TRPC5: variants seen among roughly 807,000 people sequenced by gnomAD.
TRPC5 encodes the protein short transient receptor potential channel 5.
Under a neutral mutation model 56.5 loss-of-function variants are expected in TRPC5, and 9 were observed. The ratio of observed to expected loss-of-function variants is 0.16; its 90% CI spans 0.10 to 0.28. TRPC5 has a LOEUF of 0.28. TRPC5 is among the 10% of genes least tolerant of loss of function. The pLI, the probability that TRPC5 is intolerant of heterozygous loss-of-function variation, is 1.00. For synonymous variants in TRPC5, 282 were observed against 278.5 expected (o/e 1.01, Z -0.13); for missense variants, 469 against 748.9 (o/e 0.63, Z 4.36).
chrX:111,940,202 A>T (rs1049695203), intron 2 of TRPC5, among the ~76,000 whole-genome samples: 1 of 109,330 alleles, frequency 9.1e-6, no homozygotes, highest in Non-Finnish European at 1.9e-5. Context: ...TTTACTTTCC[A>T]TGTGTTTGTT....
intron 7 of TRPC5, among the ~76,000 whole-genome samples, chrX:111,791,057 C>G (rs1398535789): frequency 1.2e-5 from 1 of 82,654 alleles, no homozygotes; most frequent in African/African-American, 3.8e-5. Context: ...AAAAAAAGAC[C>G]TGACCCTCTC....
At chrX:111,867,766 C>T (rs1189881322) in intron 3 of TRPC5, among the ~76,000 whole-genome samples, 2 of 111,786 alleles carry the variant, frequency 1.8e-5, no homozygotes, top group African/African-American at 3.2e-5. Context: ...TCTCTTCGGC[C>T]GCTAAAACAT....
intron 3 of TRPC5, among the ~76,000 whole-genome samples, chrX:111,869,410 A>G (rs974368854): frequency 5.4e-5 from 6 of 111,717 alleles, no homozygotes; most frequent in African/African-American, 2.0e-4. Context: ...ATTAGCTAGC[A>G]GACTTAGTTC....
At chrX:111,839,053 G>T (rs1231474223) in intron 6 of TRPC5, among the ~76,000 whole-genome samples, 3 of 111,609 alleles carry the variant, frequency 2.7e-5, no homozygotes, top group Non-Finnish European at 3.8e-5. Context: ...CCCAACACAG[G>T]TGACCCTTTG....
chrX:112,004,990 A>G (rs191002191), intron 1 of TRPC5, among the ~76,000 whole-genome samples: 1 of 111,865 alleles, frequency 8.9e-6, no homozygotes, highest in East Asian at 2.8e-4. Context: ...CTGGCCACAC[A>G]TTAGAATCAC....
intron 3 of TRPC5, among the ~76,000 whole-genome samples, chrX:111,860,159 C>T (rs376914359): frequency 1.5e-3 from 169 of 112,790 alleles, no homozygotes; most frequent in Middle Eastern, 0.014. Flanking sequence ...CCGCCCACCT[C>T]GGCCTCCCAA....
At chrX:112,041,078 A>G (rs1929880047) in intron 1 of TRPC5, among the ~76,000 whole-genome samples, 1 of 111,902 alleles carries the variant, frequency 8.9e-6, no homozygotes, top group African/African-American at 3.3e-5. Context: ...GGTTGGGGCC[A>G]TTAATTTCTC....
chrX:111,915,309 G>A (rs1055496589), intron 2 of TRPC5, among the ~76,000 whole-genome samples: 6 of 111,363 alleles, frequency 5.4e-5, no homozygotes, highest in Middle Eastern at 4.6e-3. Flanking sequence ...TTCTCCATTC[G>A]GCTTCCTGAG....
In TRPC5 at chrX:111,770,468, G is replaced by T. The variant is rs373573116; in HGVS notation, c.*5845C>A. Among the ~76,000 whole-genome samples the T allele has an allele frequency of 8.9e-6, 1 of 111,919 alleles. No homozygotes were observed. The highest frequency in any genetic ancestry group is 2.8e-4 in the East Asian group (1 of 3,592). ...TTGCATTTTTTGAATTTCATTAAAG[G>T]AGAAATGATGATGCTAATGTTTTAA... is the stretch of plus-strand genomic sequence containing the variant. On this transcript the variant is annotated 3_prime_UTR_variant, in exon 11 of 11. Transcript: ENST00000262839.
At chrX:112,075,908 C>A (rs186654307) in intron 1 of TRPC5, among the ~76,000 whole-genome samples, 3 of 112,175 alleles carry the variant, frequency 2.7e-5, no homozygotes, top group Non-Finnish European at 5.6e-5. Context: ...AGATTCTCTG[C>A]TAGAGCCTCC....
At position 111,832,941 on chromosome X, in the gene TRPC5, A is replaced by G. The variant is rs148256307; in HGVS notation, c.1896+1980T>C. Among the ~76,000 whole-genome samples the G allele has an allele frequency of 4.5e-5, 5 of 111,529 alleles. No homozygotes were observed. In the East Asian group the frequency reaches 1.4e-3, roughly 32 times the overall value. Reference sequence around the variant, plus strand: ...TCTCCCTTTTCTACTGTCACAAGGAAAAATCAGCTATCAGACACCCAGTGA... The same window carrying G: ...TCTCCCTTTTCTACTGTCACAAGGAGAAATCAGCTATCAGACACCCAGTGA... On this transcript the variant is annotated intron_variant, in intron 7 of 10. Transcript: ENST00000262839.
intron 7 of TRPC5, among the ~76,000 whole-genome samples, chrX:111,831,993 TA>T (rs748846062): frequency 9.0e-6 from 1 of 111,690 alleles, no homozygotes; most frequent in Non-Finnish European, 1.9e-5. Flanking sequence ...AGATGTATTT[TA>T]AAAAGTGTCA....
intron 3 of TRPC5, among the ~76,000 whole-genome samples, chrX:111,871,361 C>T (rs767426871): frequency 9.1e-6 from 1 of 110,366 alleles, no homozygotes; most frequent in South Asian, 4.0e-4. Flanking sequence ...GGGCTGCATG[C>T]TCAAAGATGT....
intron 7 of TRPC5, among the ~76,000 whole-genome samples, chrX:111,790,172 A>G (rs1179178721): frequency 8.9e-6 from 1 of 112,128 alleles, no homozygotes; most frequent in Non-Finnish European, 1.9e-5. Context: ...ATGTCCATCA[A>G]TGATAGACTG....
Position 111,776,999 on chromosome X carries a change from A to G in TRPC5, c.2236T>C (p.Leu746=), listed in dbSNP as rs1425263947. Reference sequence around the variant, plus strand: ...CGAAAGCTGGAGATGTCTTGCTTTAATTCCTGGGAAAAGAGAGGAGACATA... The same window carrying G: ...CGAAAGCTGGAGATGTCTTGCTTTAGTTCCTGGGAAAAGAGAGGAGACATA... ...EGLTEENFKE[L]KQDISSFRYE... is the part of the protein sequence containing the mutation. Residue 746 remains leucine (L), a synonymous_variant, in exon 11 of 11, where the codon TTA becomes CTA. Coordinates refer to ENST00000262839, the MANE Select transcript of TRPC5 (RefSeq NM_012471.3). 8.9e-7 allele frequency: 1 copy of G among 1,127,246 alleles called. No individual in the cohort carries two copies. Among genetic ancestry groups the G allele is most frequent in the South Asian group, 2.5e-5 (1 of 40,624 alleles). 92.9% of individuals were successfully genotyped at this position (1,127,246 alleles called of 1,213,427 possible).
intron 1 of TRPC5, among the ~76,000 whole-genome samples, chrX:111,958,665 T>C (rs989639485): frequency 3.6e-5 from 4 of 111,932 alleles, no homozygotes; most frequent in Non-Finnish European, 7.5e-5. Context: ...AGTTATTAGG[T>C]TGGTGCAAAA....
At chrX:111,799,795 G>T (rs955133754) in intron 7 of TRPC5, among the ~76,000 whole-genome samples, 1 of 111,486 alleles carries the variant, frequency 9.0e-6, no homozygotes, top group Non-Finnish European at 1.9e-5. Context: ...CAAATGAAGG[G>T]TTTCAAGATA....
intron 1 of TRPC5, among the ~76,000 whole-genome samples, chrX:112,022,065 A>G (rs1929285642): frequency 8.9e-6 from 1 of 112,339 alleles, no homozygotes. Flanking sequence ...GATGGCCCCT[A>G]AAGGGTCTGG....
At chrX:111,858,707 A>G (rs1310363159) in intron 3 of TRPC5, among the ~76,000 whole-genome samples, 1 of 111,088 alleles carries the variant, frequency 9.0e-6, no homozygotes, top group Non-Finnish European at 1.9e-5. Context: ...GAATGTGCTT[A>G]TTAAGGGCCA....
Sources: gnomAD v4.1 joint callset for allele counts (sites outside exome capture counted in the v4.1 genomes callset) on GRCh38, gnomAD v4.1.1 for gene constraint, MANE v1.5 for transcripts, NCBI Gene and HGNC (gene_info 2026-07-23, HGNC 2026-07-21) for gene names.